Variants in NEK1 observed in about 807,000 individuals in gnomAD.
NEK1 encodes serine/threonine-protein kinase Nek1.
Under a neutral mutation model 182.1 loss-of-function variants are expected in NEK1, and 137 were observed. The ratio of observed to expected loss-of-function variants is 0.75; its 90% CI spans 0.65 to 0.87. NEK1 has a LOEUF of 0.87. NEK1 is among the 40% of genes least tolerant of loss of function. NEK1 has a pLI of 0.00. For synonymous variants in NEK1, 513 were observed against 492.2 expected (o/e 1.04, Z -0.56); for missense variants, 1,391 against 1,494.4 (o/e 0.93, Z 1.14).
At chr4:169,606,738 T>C (rs1771406514) in intron 2 of NEK1, among the ~76,000 whole-genome samples, 1 of 152,234 alleles carries the variant, frequency 6.6e-6, no homozygotes, top group Admixed American at 6.5e-5. Context: ...GTCTACATAA[T>C]AAATCGTGAG....
At chr4:169,606,006 A>C (rs1207389859) in intron 2 of NEK1, among the ~76,000 whole-genome samples, 1 of 152,072 alleles carries the variant, frequency 6.6e-6, no homozygotes, top group East Asian at 1.9e-4. Context: ...ATCTAGAAAC[A>C]CGAAAGATTT....
chr4:169,458,228 C>T (rs950113178), intron 27 of NEK1, among the ~76,000 whole-genome samples: 4 of 152,020 alleles, frequency 2.6e-5, no homozygotes, highest in African/African-American at 9.7e-5. Flanking sequence ...GGAATGGATA[C>T]AGAGTTCAGA....
In NEK1 at chr4:169,402,573, A is replaced by T. The variant is rs570435408; in HGVS notation, c.3375-713T>A. On this transcript the variant is annotated intron_variant, in intron 32 of 35. Transcript: ENST00000507142. ...TGGTAAGAATATTCATTCTATTTTC[A>T]TGGGATTATAGATGCTGGAATGAAA... Among the ~76,000 whole-genome samples, 4 of 152,314 alleles carry T rather than the reference A, an allele frequency of 2.6e-5. No individual in the cohort carries two copies. In the East Asian group the frequency reaches 7.7e-4, roughly 29 times the overall value.
chr4:169,403,579 A>T (rs1176518733), intron 32 of NEK1, among the ~76,000 whole-genome samples: 1 of 152,078 alleles, frequency 6.6e-6, no homozygotes, highest in African/African-American at 2.4e-5. Flanking sequence ...CCCCCAAAAA[A>T]TTTTATTATT....
chr4:169,505,039 A>AT (rs140647620), intron 23 of NEK1, among the ~76,000 whole-genome samples: 17,567 of 151,730 alleles, frequency 0.12, 1,162 homozygotes, highest in East Asian at 0.17. Context: ...TAAAAAAAAA[A>AT]TTTTTTTTAA....
rs1329353076 is a variant in NEK1 at position 169,566,684 on chromosome 4, T to C, written c.1021-4488A>G. On this transcript the variant is annotated intron_variant, in intron 12 of 35. Transcript: ENST00000507142. ...AATTAAAACATGACAGTATCTTAAG[T>C]GGTTAAAGCTTTCCTTTTTCAGGCT... 2.0e-5 allele frequency among the ~76,000 whole-genome samples: 3 copies of C among 152,170 alleles called. No individual in the cohort carries two copies. The East Asian group carries it at 5.8e-4, about 29-fold the overall frequency.
At chr4:169,425,373 C>T (rs1285939487) in intron 30 of NEK1, among the ~76,000 whole-genome samples, 1 of 151,170 alleles carries the variant, frequency 6.6e-6, no homozygotes, top group African/African-American at 2.4e-5. Flanking sequence ...AGTGAGTTAT[C>T]ATCGCGCCAC....
chr4:169,499,610 TC>T (rs937623747), intron 23 of NEK1, among the ~76,000 whole-genome samples: 43 of 152,086 alleles, frequency 2.8e-4, no homozygotes, highest in Non-Finnish European at 5.7e-4. Context: ...TTGTTAGTTT[TC>T]CCCCCAACAG....
At chr4:169,500,931 C>A (rs947993004) in intron 23 of NEK1, among the ~76,000 whole-genome samples, 4 of 152,056 alleles carry the variant, frequency 2.6e-5, no homozygotes, top group Non-Finnish European at 5.9e-5. Context: ...ACATAAATGG[C>A]CTAAATGCTT....
In NEK1 at chr4:169,463,379, T is replaced by C. The variant is rs914051271; in HGVS notation, c.2451A>G (p.Glu817=). 6.2e-7 allele frequency: 1 copy of C among 1,605,930 alleles called. No homozygotes were observed. The highest frequency in any genetic ancestry group is 8.5e-7 in the Non-Finnish European group (1 of 1,175,114). ...ATCCATTAGGACCTAATTTAATAAC[T>C]TCTCCCACTGTATGTCCTATAAGAA... is the stretch of plus-strand genomic sequence containing the variant. ...FSTTERHTVG[E]VIKLGPNGSP... The change falls in exon 27 of 36, where the codon GAA becomes GAG. Residue 817 remains glutamate, a synonymous_variant. Coordinates refer to ENST00000507142, the MANE Select transcript of NEK1 (RefSeq NM_001199397.3).
At chr4:169,573,291 G>T (rs1213532292) in intron 12 of NEK1, among the ~76,000 whole-genome samples, 1 of 152,210 alleles carries the variant, frequency 6.6e-6, no homozygotes, top group Non-Finnish European at 1.5e-5. Flanking sequence ...GAAGTAGGAA[G>T]AAAATATTGG....
intron 26 of NEK1, among the ~76,000 whole-genome samples, chr4:169,468,453 T>C (rs1745329375): frequency 6.6e-6 from 1 of 152,148 alleles, no homozygotes; most frequent in African/African-American, 2.4e-5. Flanking sequence ...TTGTAATGTG[T>C]GCATTTCATT....
chr4:169,426,040 G>A, intron 30 of NEK1, 106 bp downstream of exon 30: 1 of 779,732 alleles, frequency 1.3e-6, no homozygotes. Flanking sequence ...TGAGATGACT[G>A]ATAAGGAATG....
At chr4:169,595,781 G>A (rs552144807) in intron 5 of NEK1, among the ~76,000 whole-genome samples, 35 of 151,902 alleles carry the variant, frequency 2.3e-4, no homozygotes, top group East Asian at 1.9e-3. Context: ...AAAATTAGCC[G>A]GCGTGGTGGC....
chr4:169,487,745 T>C (rs908972001), intron 23 of NEK1, among the ~76,000 whole-genome samples: 3 of 152,226 alleles, frequency 2.0e-5, no homozygotes, highest in Non-Finnish European at 4.4e-5. Flanking sequence ...CCACACTGTC[T>C]TCCAAAATGG....
At position 169,396,365 on chromosome 4, in the gene NEK1, CAAAAAAAAAAAAAAA is replaced by C. The variant is rs70961598; in HGVS notation, c.3848-1857_3848-1843del. ...TGGGCGACAGAGCAAGACTCCATCT[CAAAAAAAAAAAAAAA>C]AAAAAAAAAAAAAAAAGAAGAATCT... On this transcript the variant is annotated intron_variant, in intron 35 of 35. Coordinates refer to ENST00000507142, the MANE Select transcript of NEK1 (RefSeq NM_001199397.3). Among the ~76,000 whole-genome samples, 22 of 38,042 alleles carry C rather than the reference CAAAAAAAAAAAAAAA, an allele frequency of 5.8e-4. 1 individual carries two copies. The highest frequency in any genetic ancestry group is 2.8e-3 in the Admixed American group (6 of 2,106). The allele number at this position is 38,042 out of a possible 152,430, so 25.0% of individuals were successfully genotyped here.
intron 27 of NEK1, among the ~76,000 whole-genome samples, chr4:169,454,753 T>C (rs563203264): frequency 6.6e-6 from 1 of 152,330 alleles, no homozygotes; most frequent in African/African-American, 2.4e-5. Context: ...GGTTCAACCA[T>C]TGTGGAAGAC....
At position 169,462,757 on chromosome 4, in the gene NEK1, A is replaced by G. The variant is rs1744202015; in HGVS notation, c.2587+486T>C. On this transcript the variant is annotated intron_variant, in intron 27 of 35. Coordinates refer to ENST00000507142, the MANE Select transcript of NEK1 (RefSeq NM_001199397.3). Reference sequence around the variant, plus strand: ...TAATCTGAAAATACCTGTTTCATACATAGCCACTCTTCTTGATGCATAGCT... The same window carrying G: ...TAATCTGAAAATACCTGTTTCATACGTAGCCACTCTTCTTGATGCATAGCT... 2.6e-5 allele frequency among the ~76,000 whole-genome samples: 4 copies of G among 152,252 alleles called. No individual in the cohort carries two copies. In the South Asian group the frequency reaches 6.2e-4, roughly 24 times the overall value.
intron 27 of NEK1, among the ~76,000 whole-genome samples, chr4:169,448,194 T>C (rs1740955277): frequency 6.6e-6 from 1 of 151,824 alleles, no homozygotes; most frequent in Admixed American, 6.6e-5. Context: ...GCCACTGCCC[T>C]CCAGCCTGGG....
Sources: gnomAD v4.1 joint callset for allele counts (sites outside exome capture counted in the v4.1 genomes callset) on GRCh38, gnomAD v4.1.1 for gene constraint, MANE v1.5 for transcripts, NCBI Gene and HGNC (gene_info 2026-07-23, HGNC 2026-07-21) for gene names.